Variants in RASEF observed in about 807,000 individuals in gnomAD.
RASEF encodes ras and EF-hand domain-containing protein.
Under a neutral mutation model 90.1 loss-of-function variants are expected in RASEF, and 68 were observed. The ratio of observed to expected loss-of-function variants is 0.75; its 90% CI spans 0.62 to 0.92. RASEF has a LOEUF of 0.92. Among genes scored for constraint, RASEF ranks in the 40% least tolerant of loss-of-function variants. RASEF has a pLI of 0.00. For missense variants in RASEF, 949 were observed against 937.2 expected, an observed-to-expected ratio of 1.01 and a Z score of -0.16; for synonymous variants, 331 against 345.2, an observed-to-expected ratio of 0.96 and a Z score of 0.46.
the RASEF span, among the ~76,000 whole-genome samples, chr9:83,084,436 G>T: frequency 2.0e-5 from 3 of 152,126 alleles, no homozygotes; most frequent in African/African-American, 7.2e-5. Context: ...GCTACCATTT[G>T]CCAACTCATG....
the RASEF span, among the ~76,000 whole-genome samples, chr9:83,092,016 T>TTTTTTTTTTTTTTTTTTTTTTTTTTTG: frequency 7.1e-6 from 1 of 141,422 alleles, no homozygotes; most frequent in Non-Finnish European, 1.5e-5. Context: ...TTTTTTTTTT[T>TTTTTTTTTTTTTTTTTTTTTTTTTTTG]TTTTTTTTTT....
chr9:83,031,426 T>C (rs1829644730), intron 1 of RASEF, among the ~76,000 whole-genome samples: 1 of 152,204 alleles, frequency 6.6e-6, no homozygotes, highest in South Asian at 2.1e-4. Flanking sequence ...ATTTAAGCCT[T>C]TACATATATT....
chr9:83,094,461 A>G, the RASEF span, among the ~76,000 whole-genome samples: 2 of 152,158 alleles, frequency 1.3e-5, no homozygotes, highest in Non-Finnish European at 2.9e-5. Context: ...TTTAAATTAT[A>G]CATGTGGATT....
At chr9:83,112,409 G>A in the RASEF span, among the ~76,000 whole-genome samples, 1 of 152,226 alleles carries the variant, frequency 6.6e-6, no homozygotes, top group Non-Finnish European at 1.5e-5. Flanking sequence ...TAAGGGCTGA[G>A]CGCGGCGGCT....
the RASEF span, among the ~76,000 whole-genome samples, chr9:83,083,840 A>G: frequency 6.6e-6 from 1 of 152,126 alleles, no homozygotes; most frequent in East Asian, 1.9e-4. Context: ...GCAATCCTTA[A>G]AAATGGTAAG....
At chr9:83,094,930 C>A in the RASEF span, among the ~76,000 whole-genome samples, 1 of 152,100 alleles carries the variant, frequency 6.6e-6, no homozygotes, top group African/African-American at 2.4e-5. Flanking sequence ...ATTAAGGTAG[C>A]CTCACGTCCA....
chr9:83,129,823 A>G, the RASEF span, among the ~76,000 whole-genome samples: 153 of 152,322 alleles, frequency 1.0e-3, 1 homozygote, highest in African/African-American at 3.6e-3. Flanking sequence ...CACTGGTTTT[A>G]ATTTCTGAGT....
At chr9:83,170,655 T>C in the RASEF span, among the ~76,000 whole-genome samples, 1 of 151,896 alleles carries the variant, frequency 6.6e-6, no homozygotes, top group African/African-American at 2.4e-5. Context: ...AGTTTATTCC[T>C]GGGTAATTTT....
chr9:83,042,936 C>T (rs1358050859), intron 1 of RASEF, among the ~76,000 whole-genome samples: 1 of 152,218 alleles, frequency 6.6e-6, no homozygotes, highest in East Asian at 1.9e-4. Context: ...AGGACAAACA[C>T]TCCACACGGT....
chr9:83,059,529 C>T (rs1052363330), intron 1 of RASEF, among the ~76,000 whole-genome samples: 5 of 152,120 alleles, frequency 3.3e-5, no homozygotes, highest in African/African-American at 1.2e-4. Flanking sequence ...GAGTATGAAA[C>T]TCCCTTTCAC....
At chr9:83,045,225 C>T (rs147499250) in intron 1 of RASEF, among the ~76,000 whole-genome samples, 370 of 152,142 alleles carry the variant, frequency 2.4e-3, no homozygotes, top group African/African-American at 8.1e-3. Flanking sequence ...GGTTCTGTTT[C>T]TCTGGAGAAC....
intron 9 of RASEF, among the ~76,000 whole-genome samples, chr9:83,002,486 A>G (rs1829059171): frequency 6.6e-6 from 1 of 151,132 alleles, no homozygotes; most frequent in Non-Finnish European, 1.5e-5. Flanking sequence ...AACAATAACA[A>G]TAAAATATAT....
chr9:82,997,251 G>C, intron 13 of RASEF, 125 bp from the exon 14 acceptor site: 2 of 655,040 alleles, frequency 3.1e-6, no homozygotes, highest in Non-Finnish European at 5.5e-6. Context: ...TGCAATATAT[G>C]ACTGAGACAT....
chr9:83,208,935 A>C, the RASEF span, among the ~76,000 whole-genome samples: 2 of 152,128 alleles, frequency 1.3e-5, no homozygotes, highest in Non-Finnish European at 2.9e-5. Flanking sequence ...GGACTTTTCA[A>C]CTTGTGCTTT....
At chr9:83,004,368 T>C in intron 9 of RASEF, 130 bp downstream of exon 9, 2 of 577,906 alleles carry the variant, frequency 3.5e-6, no homozygotes, top group Non-Finnish European at 6.1e-6. Flanking sequence ...TTCAGAACTT[T>C]TAACATCATA....
chr9:83,157,982 C>T, the RASEF span, among the ~76,000 whole-genome samples: 1 of 152,128 alleles, frequency 6.6e-6, no homozygotes, highest in African/African-American at 2.4e-5. Context: ...TGAATCAACA[C>T]ATGGAACTAC....
intron 2 of RASEF, among the ~76,000 whole-genome samples, chr9:83,025,184 A>G (rs1287688025): frequency 1.3e-5 from 2 of 152,242 alleles, no homozygotes; most frequent in East Asian, 1.9e-4. Flanking sequence ...TTAGAGTAAG[A>G]GTTTAATAGT....
At chr9:83,145,438 G>C in the RASEF span, among the ~76,000 whole-genome samples, 1 of 151,948 alleles carries the variant, frequency 6.6e-6, no homozygotes, top group Admixed American at 6.6e-5. Flanking sequence ...TAGCTCAAGA[G>C]ACCTTAGAGC....
At chr9:83,113,946 C>T in the RASEF span, among the ~76,000 whole-genome samples, 2 of 152,062 alleles carry the variant, frequency 1.3e-5, no homozygotes, top group African/African-American at 4.8e-5. Flanking sequence ...TTTTAAAATC[C>T]CTAATAAAAA....
Sources: allele counts gnomAD v4.1 joint callset (sites outside exome capture counted in the v4.1 genomes callset), GRCh38; gene constraint gnomAD v4.1.1; transcripts MANE v1.5; gene names NCBI Gene and HGNC (gene_info 2026-07-23, HGNC 2026-07-21).